Variants in FREM1 observed in about 807,000 individuals in gnomAD.
FREM1 encodes the protein FRAS1 related extracellular matrix 1.
FREM1 carries 220 observed loss-of-function variants against 210.1 expected under a neutral mutation model. The observed-to-expected ratio is 1.05, with a 90% CI of 0.94 to 1.17. The LOEUF (loss-of-function observed/expected upper bound fraction) is 1.17. Among genes scored for constraint, FREM1 ranks in the 50% most tolerant of loss-of-function variants. FREM1 has a pLI of 0.00. For missense variants in FREM1, 3,454 were observed against 2,675.5 expected (o/e 1.29, Z -6.42); for synonymous variants, 1,189 against 980.2 (o/e 1.21, Z -3.98).
Position 14,810,764 on chromosome 9 carries a change from A to G in FREM1, c.2893+2048T>C, listed in dbSNP as rs1027567821. Among the ~76,000 whole-genome samples the G allele has an allele frequency of 1.2e-4, 19 of 152,348 alleles. 1 individual carries two copies. In the South Asian group the frequency reaches 3.7e-3, roughly 30 times the overall value. On this transcript the variant is annotated intron_variant, in intron 16 of 36. Transcript: ENST00000380880. The stretch of plus-strand genomic sequence containing the variant: ...AATCTGCAAAGCTGCATATGTTACA[A>G]CATAATTGCAACTATGTTAAAATTA...
intron 29 of FREM1, among the ~76,000 whole-genome samples, chr9:14,754,032 G>C (rs374676038): frequency 6.6e-6 from 1 of 152,184 alleles, no homozygotes; most frequent in African/African-American, 2.4e-5. Flanking sequence ...ATCTCCAAGA[G>C]ACAGATTTCA....
intron 25 of FREM1, among the ~76,000 whole-genome samples, chr9:14,771,721 G>C (rs941002068): frequency 6.6e-6 from 1 of 152,044 alleles, no homozygotes; most frequent in African/African-American, 2.4e-5. Context: ...ATCTTAGTTT[G>C]CCCTAGCAAA....
At chr9:14,806,047 A>G (rs1305771576) in intron 18 of FREM1, among the ~76,000 whole-genome samples, 1 of 152,186 alleles carries the variant, frequency 6.6e-6, no homozygotes, top group Non-Finnish European at 1.5e-5. Context: ...CTCTCATGGT[A>G]TCCTGTGTTG....
chr9:14,745,254 C>T (rs535089673), intron 35 of FREM1, among the ~76,000 whole-genome samples: 1 of 152,156 alleles, frequency 6.6e-6, no homozygotes. Context: ...ACATTTACCC[C>T]TGAACTTAAA....
chr9:14,807,148 G>A (rs1358691180), intron 17 of FREM1, among the ~76,000 whole-genome samples: 1 of 152,182 alleles, frequency 6.6e-6, no homozygotes, highest in Non-Finnish European at 1.5e-5. Context: ...TCATTCTCAA[G>A]GAACTCTGGT....
chr9:14,755,604 G>A (rs569001065), intron 29 of FREM1, among the ~76,000 whole-genome samples: 3 of 152,280 alleles, frequency 2.0e-5, no homozygotes, highest in Admixed American at 6.5e-5. Flanking sequence ...AAAGATGGCC[G>A]GGCTCCAGCC....
At chr9:14,885,520 A>G (rs993264492) in intron 1 of FREM1, among the ~76,000 whole-genome samples, 7 of 152,152 alleles carry the variant, frequency 4.6e-5, no homozygotes, top group African/African-American at 1.7e-4. Context: ...CCTGGGCTCA[A>G]GCAAGCCTCA....
At chr9:14,779,357 C>G in intron 24 of FREM1, 1 of 308,488 alleles carries the variant, frequency 3.2e-6, no homozygotes, top group Non-Finnish European at 4.7e-6. Context: ...AATTGTAGAG[C>G]TATAGACATT....
In FREM1 at chr9:14,756,431, C is replaced by G; in HGVS notation, c.5350G>C (p.Ala1784Pro). ...ACGGTGAAATCTTTTCCAACTGCAG[C>G]TGACACTTGGTTGACCTTAGGAGGG... ...FVGIKVNQVS[A>P]AVGKDFTVIP... The change falls in exon 29 of 37, where the codon GCT (alanine) becomes CCT (proline). Residue 1784 changes from alanine (A) to proline (P), a missense_variant. Transcript: ENST00000380880. The G allele has an allele frequency of 6.3e-7, 1 of 1,598,924 alleles. No individual in the cohort carries two copies. Among genetic ancestry groups the G allele is most frequent in the East Asian group, 2.3e-5 (1 of 44,372 alleles).
intron 28 of FREM1, among the ~76,000 whole-genome samples, chr9:14,759,296 G>A (rs967713109): frequency 1.3e-5 from 2 of 152,072 alleles, no homozygotes; most frequent in African/African-American, 2.4e-5. Context: ...GATTGCCTGA[G>A]GTGAGGAGTT....
intron 16 of FREM1, among the ~76,000 whole-genome samples, chr9:14,810,101 G>A (rs1310292189): frequency 1.3e-5 from 2 of 152,084 alleles, no homozygotes; most frequent in African/African-American, 2.4e-5. Context: ...TGCCTTTGCT[G>A]GCTTTGTGCT....
chr9:14,801,929 C>T (rs1321803369), intron 19 of FREM1, 55 bp from the exon 20 acceptor site: 1 of 1,272,180 alleles, frequency 7.9e-7, no homozygotes, highest in East Asian at 2.3e-5. Flanking sequence ...ACTTGTCTTT[C>T]TTTGGAAAAC....
At chr9:14,826,614 T>C (rs938979024) in intron 10 of FREM1, among the ~76,000 whole-genome samples, 3 of 152,230 alleles carry the variant, frequency 2.0e-5, no homozygotes, top group Non-Finnish European at 2.9e-5. Flanking sequence ...ATGGTTTGAA[T>C]GTTTGTGTTT....
chr9:14,791,877 G>A (rs1366776405), intron 22 of FREM1, among the ~76,000 whole-genome samples: 2 of 150,628 alleles, frequency 1.3e-5, no homozygotes, highest in Non-Finnish European at 3.0e-5. Context: ...CTGTCACCCA[G>A]GCTGGAGTGC....
intron 24 of FREM1, among the ~76,000 whole-genome samples, chr9:14,781,342 G>A (rs1291309987): frequency 2.6e-5 from 4 of 152,148 alleles, no homozygotes; most frequent in South Asian, 2.1e-4. Context: ...CCAAATCAAT[G>A]CTTTTCAGCC....
At chr9:14,876,006 A>T (rs1833647925) in intron 1 of FREM1, among the ~76,000 whole-genome samples, 2 of 152,136 alleles carry the variant, frequency 1.3e-5, no homozygotes, top group South Asian at 4.2e-4. Flanking sequence ...CGTGAACCGC[A>T]AATGCTGCTG....
chr9:14,739,494 CAT>C (rs1452477065), intron 36 of FREM1, among the ~76,000 whole-genome samples: 29 of 134,532 alleles, frequency 2.2e-4, no homozygotes, highest in Middle Eastern at 3.5e-3. Context: ...TATATATATT[CAT>C]ATATATATGA....
At chr9:14,747,165 TC>T (rs1300264605) in intron 33 of FREM1, 98 bp downstream of exon 33, 1 of 1,572,812 alleles carries the variant, frequency 6.4e-7, no homozygotes, top group Middle Eastern at 1.7e-4. Context: ...GGGTAAACTA[TC>T]CCCCCAACCT....
chr9:14,859,130 G>T, intron 4 of FREM1, 53 bp downstream of exon 4: 1 of 1,407,132 alleles, frequency 7.1e-7, no homozygotes, highest in Non-Finnish European at 9.6e-7. Flanking sequence ...AGCATGCATG[G>T]ATATTTTTGT....
Sources: gnomAD v4.1 joint callset for allele counts (sites outside exome capture counted in the v4.1 genomes callset) on GRCh38, gnomAD v4.1.1 for gene constraint, MANE v1.5 for transcripts, NCBI Gene and HGNC (gene_info 2026-07-23, HGNC 2026-07-21) for gene names.